SAMD9: variants seen among roughly 807,000 people sequenced by gnomAD.
SAMD9 encodes the protein sterile alpha motif domain containing 9.
SAMD9 carries 3 observed loss-of-function variants against 1.5 expected under a neutral mutation model. That is an observed-to-expected ratio of 2.05 (90% confidence interval 0.93 to 5.29). The LOEUF is 5.29. Among genes scored for constraint, SAMD9 ranks in the 30% most tolerant of loss-of-function variants. The pLI is 0.02. For synonymous variants in SAMD9, 635 were observed against 631.9 expected, an observed-to-expected ratio of 1.00 and a Z score of -0.07; for missense variants, 1,597 against 1,820.8, an observed-to-expected ratio of 0.88 and a Z score of 2.24.
Position 93,103,737 on chromosome 7 carries a change from G to C in SAMD9, c.2361C>G (p.Asn787Lys), listed in dbSNP as rs200048561. 4 of 1,613,906 alleles carry C rather than the reference G, an allele frequency of 2.5e-6. No individual in the cohort carries two copies. Among genetic ancestry groups the C allele is most frequent in the Non-Finnish European group, 2.5e-6 (3 of 1,179,824 alleles). The part of the protein sequence containing the change: ...VTSLITYGAM[N>K]RQEYVPVLLL... ...GTAGTACAGGTACGTATTCCTGACG[G>C]TTCATTGCCCCATAGGTGATTAAAC... The change falls in exon 3 of 3, where the codon AAC becomes AAG. Residue 787 changes from asparagine (N) to lysine (K), a missense_variant. Physicochemically the swap from Asn to Lys is moderately conservative, Grantham distance 94. This residue lies in a region of SAMD9 where 358 missense variants were observed against 460.4 expected (regional missense o/e 0.78). Transcript: ENST00000379958.
Position 93,101,633 on chromosome 7 carries a change from G to C in SAMD9, c.4465C>G (p.Leu1489Val). ...AYFFLGKGKR[L>V]ERLVHKGKID... ...TTTCCTTTGTGAACAAGTCTTTCCA[G>C]TCTTTTACCTTTTCCAAGAAAGAAA... Residue 1489 changes from leucine to valine, a missense_variant, in exon 3 of 3, where the codon CTG becomes GTG. Transcript: ENST00000379958. 6.2e-7 allele frequency: 1 copy of C among 1,613,800 alleles called. No homozygotes were observed. Among genetic ancestry groups the C allele is most frequent in the Non-Finnish European group, 8.5e-7 (1 of 1,179,776 alleles).
chr7:93,117,322 A>G (rs961643725), intron 1 of SAMD9, among the ~76,000 whole-genome samples: 1 of 151,942 alleles, frequency 6.6e-6, no homozygotes, highest in Non-Finnish European at 1.5e-5. Flanking sequence ...TCTGTTGCCT[A>G]TGCTGGAGTG....
intron 2 of SAMD9, among the ~76,000 whole-genome samples, chr7:93,106,779 C>G (rs1028683651): frequency 1.3e-5 from 2 of 152,156 alleles, no homozygotes; most frequent in Non-Finnish European, 2.9e-5. Context: ...TATCTGTGGC[C>G]AGGCATACTC....
Position 93,102,370 on chromosome 7 carries a change from T to C in SAMD9, c.3728A>G (p.Asn1243Ser). ...TTTGAGGGCTAATTTATATTCATTGTTTGGATCCCCTGGAATATCACTACT... is the reference window on the plus strand; with the variant it reads ...TTTGAGGGCTAATTTATATTCATTGCTTGGATCCCCTGGAATATCACTACT... ...SGSSDIPGDP[N>S]NEYKLALKNY... The change falls in exon 3 of 3, where the codon AAC becomes AGC. Residue 1243 changes from asparagine (N) to serine (S), a missense_variant. By Grantham distance (46) the Asn-to-Ser change is conservative (BLOSUM62 1). Coordinates refer to ENST00000379958, the MANE Select transcript of SAMD9 (RefSeq NM_017654.4). The C allele has an allele frequency of 6.2e-7, 1 of 1,609,100 alleles. No individual in the cohort carries two copies. Among genetic ancestry groups the C allele is most frequent in the East Asian group, 2.2e-5 (1 of 44,818 alleles).
At position 93,101,796 on chromosome 7, in the gene SAMD9, T is replaced by C. The variant is rs763275094; in HGVS notation, c.4302A>G (p.Leu1434=). The C allele has an allele frequency of 1.9e-6, 3 of 1,613,708 alleles. No individual in the cohort carries two copies. Among genetic ancestry groups the C allele is most frequent in the Non-Finnish European group, 2.5e-6 (3 of 1,179,762 alleles). The part of the protein sequence containing the change: ...LTYQFSEPYF[L]ASLLFWPENQ... ...TTTCTGGCCAGAATAAGAGGGAAGCTAGAAAATACGGTTCTGAAAACTGAT... is the reference window on the plus strand; with the variant it reads ...TTTCTGGCCAGAATAAGAGGGAAGCCAGAAAATACGGTTCTGAAAACTGAT... Residue 1434 remains leucine (L), a synonymous_variant, in exon 3 of 3, where the codon CTA becomes CTG. Coordinates refer to ENST00000379958, the MANE Select transcript of SAMD9 (RefSeq NM_017654.4).
intron 2 of SAMD9, among the ~76,000 whole-genome samples, chr7:93,111,767 G>A (rs1791748772): frequency 6.6e-5 from 10 of 152,130 alleles, no homozygotes; most frequent in Admixed American, 6.5e-4. Flanking sequence ...GGAAGAAGTT[G>A]AATCCCTGAA....
Position 93,101,637 on chromosome 7 carries a change from T to C in SAMD9, c.4461A>G (p.Lys1487=). Residue 1487 remains lysine (K), a synonymous_variant, in exon 3 of 3, where the codon AAA becomes AAG. Transcript: ENST00000379958. ...PIAYFFLGKG[K]RLERLVHKGK... ...CTTTGTGAACAAGTCTTTCCAGTCT[T>C]TTACCTTTTCCAAGAAAGAAATATG... The C allele has an allele frequency of 1.9e-6, 3 of 1,613,882 alleles. No homozygotes were observed. Among genetic ancestry groups the C allele is most frequent in the Non-Finnish European group, 2.5e-6 (3 of 1,179,814 alleles).
rs768062562 is a variant in SAMD9 at position 93,102,137 on chromosome 7, A to T, written c.3961T>A (p.Ser1321Thr). ...ACTTGAAGTGGCTCACTGAACTTTG[A>T]TCCAAGACCTGTGTTGTTTTGTGAT... ...EESQNNTGLG[S>T]KFSEPLQVER... is the part of the protein sequence containing the mutation. Residue 1321 changes from serine (S) to threonine (T), a missense_variant, in exon 3 of 3, where the codon TCA (serine) becomes ACA (threonine). By Grantham distance (58) the Ser-to-Thr change is moderately conservative. Transcript: ENST00000379958. 2.5e-6 allele frequency: 4 copies of T among 1,613,482 alleles called. No homozygotes were observed. The South Asian group carries it at 3.3e-5, about 13-fold the overall frequency.
chr7:93,105,158 A>G lies in SAMD9; in HGVS notation c.940T>C (p.Ser314Pro), dbSNP rs200226729. The G allele has an allele frequency of 1.2e-6, 2 of 1,613,642 alleles. No homozygotes were observed. The highest frequency in any genetic ancestry group is 1.7e-6 in the Non-Finnish European group (2 of 1,179,800). Residue 314 changes from serine (S) to proline (P), a missense_variant, in exon 3 of 3, where the codon TCT (serine) becomes CCT (proline). This residue lies in a region of SAMD9 where 498 missense variants were observed against 457.4 expected (regional missense o/e 1.09). Transcript: ENST00000379958. ...VIEVDIIPQF[S>P]ECQYDYFQIK... is the part of the protein sequence containing the mutation. ...TGGAAATAATCATATTGGCATTCAG[A>G]GAACTGTGGAATAATGTCCACTTCA...
chr7:93,108,987 G>A (rs1791694162), intron 2 of SAMD9, among the ~76,000 whole-genome samples: 1 of 152,172 alleles, frequency 6.6e-6, no homozygotes. Context: ...ATCTGAGAAT[G>A]GACAGGCTGC....
intron 1 of SAMD9, among the ~76,000 whole-genome samples, chr7:93,116,862 T>C (rs543242821): frequency 6.6e-6 from 1 of 152,342 alleles, no homozygotes; most frequent in East Asian, 1.9e-4. Flanking sequence ...TATTTGTTAC[T>C]GATTGAACCC....
chr7:93,101,820 A>C lies in SAMD9; in HGVS notation c.4278T>G (p.Tyr1426Ter). 6.2e-7 allele frequency: 1 copy of C among 1,613,888 alleles called. No individual in the cohort carries two copies. Among genetic ancestry groups the C allele is most frequent in the Admixed American group, 1.7e-5 (1 of 60,002 alleles). Residue 1426 changes from tyrosine (Y) to a stop codon, truncating the protein, a stop_gained, in exon 3 of 3, where the codon TAT (tyrosine) becomes TAG (stop). Transcript: ENST00000379958. LOFTEE classifies it low-confidence loss of function (END_TRUNC). ...REVLQPIGLTYQFSEPYFLAS... is the reference protein window; with the variant it reads ...REVLQPIGLT Reference sequence around the variant, plus strand: ...CTAGAAAATACGGTTCTGAAAACTGATAAGTCAGTCCTATTGGTTGCAAGA... The same window carrying C: ...CTAGAAAATACGGTTCTGAAAACTGCTAAGTCAGTCCTATTGGTTGCAAGA...
In SAMD9 at chr7:93,105,478, G is replaced by A. The variant is rs1303027285; in HGVS notation, c.620C>T (p.Thr207Ile). The stretch of plus-strand genomic sequence containing the variant: ...AAATTTCATCTTGACATCCTCTTCT[G>A]TGGCTGTTGCTGTATTTGTGAAGGC... ...FKAFTNTATATEEDVKMKFSN... is the reference protein window; with the variant it reads ...FKAFTNTATAIEEDVKMKFSN... The change falls in exon 3 of 3, where the codon ACA becomes ATA. Residue 207 changes from threonine (T) to isoleucine (I), a missense_variant. By Grantham distance (89) the Thr-to-Ile change is moderately conservative. This residue lies in a region of SAMD9 where 498 missense variants were observed against 457.4 expected (regional missense o/e 1.09). Coordinates refer to ENST00000379958, the MANE Select transcript of SAMD9 (RefSeq NM_017654.4). 1 of 1,614,036 alleles carries A rather than the reference G, an allele frequency of 6.2e-7. No homozygotes were observed.
chr7:93,102,004 A>C lies in SAMD9; in HGVS notation c.4094T>G (p.Ile1365Arg). 2.5e-6 allele frequency: 4 copies of C among 1,613,672 alleles called. No individual in the cohort carries two copies. The highest frequency in any genetic ancestry group is 3.4e-6 in the Non-Finnish European group (4 of 1,179,730). ...QEDAISTMKCIVNEYTFLLEQ... is the reference protein window; with the variant it reads ...QEDAISTMKCRVNEYTFLLEQ... ...TAAGAGAAAAGTATATTCGTTCACT[A>C]TACATTTCATAGTGCTTATAGCATC... The change falls in exon 3 of 3, where the codon ATA becomes AGA. Residue 1365 changes from isoleucine to arginine, a missense_variant. Around this residue, in one of 6 missense-constraint regions of SAMD9, gnomAD observed 682 missense variants for 810.0 expected, o/e 0.84. Transcript: ENST00000379958.
At position 93,115,465 on chromosome 7, in the gene SAMD9, A is replaced by ATT. The variant is rs566180728; in HGVS notation, c.-109-572_-109-571dup. ...GTTACAACAGAAAACATATTGTAGA[A>ATT]TTCTACTTATATAGTTTAAGAATAG... is the stretch of plus-strand genomic sequence containing the variant. On this transcript the variant is annotated intron_variant, in intron 1 of 2. Coordinates refer to ENST00000379958, the MANE Select transcript of SAMD9 (RefSeq NM_017654.4). 3.9e-4 allele frequency among the ~76,000 whole-genome samples: 59 copies of ATT among 152,346 alleles called. No individual in the cohort carries two copies. The South Asian group carries it at 0.012, about 30-fold the overall frequency.
At chr7:93,117,022 A>G (rs957743015) in intron 1 of SAMD9, among the ~76,000 whole-genome samples, 14 of 152,196 alleles carry the variant, frequency 9.2e-5, no homozygotes, top group Non-Finnish European at 1.9e-4. Flanking sequence ...AATTAGACAT[A>G]AACCTAGTAT....
chr7:93,105,908 C>T lies in SAMD9; in HGVS notation c.190G>A (p.Ala64Thr), dbSNP rs775417911. 5.6e-6 allele frequency: 9 copies of T among 1,614,052 alleles called. No homozygotes were observed. Among genetic ancestry groups the T allele is most frequent in the Non-Finnish European group, 7.6e-6 (9 of 1,179,994 alleles). ...TTGAATAGTTCTTCTATTTGAATAG[C>T]TGGTCCATGTGTGATGCCCATATCA... The part of the protein sequence containing the change: ...LVDMGITHGP[A>T]IQIEELFKEL... Residue 64 changes from alanine to threonine, a missense_variant, in exon 3 of 3, where the codon GCT becomes ACT. By Grantham distance (58) the Ala-to-Thr change is moderately conservative (BLOSUM62 0). Transcript: ENST00000379958.
rs115425131 is a variant in SAMD9, at chr7:93,104,178, G to A, written c.1920C>T (p.Val640=). Residue 640 remains valine (V), a synonymous_variant, in exon 3 of 3, where the codon GTC becomes GTT. Transcript: ENST00000379958. The stretch of plus-strand genomic sequence containing the variant: ...TGATATCTTCTTCCTTTTTCAGAAG[G>A]ACAGTCGATAAACCAATAGATGGCA... ...RLLPSIGLST[V]LLKKEEDIMT... is the part of the protein sequence containing the mutation. 5.6e-4 allele frequency: 905 copies of A among 1,613,884 alleles called. 8 individuals carry two copies. In the African/African-American group the frequency reaches 0.011, roughly 19 times the overall value.
At chr7:93,110,047 C>A (rs954980259) in intron 2 of SAMD9, among the ~76,000 whole-genome samples, 5 of 152,146 alleles carry the variant, frequency 3.3e-5, no homozygotes, top group Non-Finnish European at 7.4e-5. Context: ...ATATTAAGGG[C>A]AGCCAGAAAG....
Sources: allele counts gnomAD v4.1 joint callset (sites outside exome capture counted in the v4.1 genomes callset), GRCh38; gene constraint gnomAD v4.1.1; regional missense constraint gnomAD v4.1.1; transcripts MANE v1.5; gene names NCBI Gene and HGNC (gene_info 2026-07-23, HGNC 2026-07-21).